PRMT8: variants seen among roughly 807,000 people sequenced by gnomAD.
The protein encoded by PRMT8 is protein arginine N-methyltransferase 8.
In PRMT8, 7 loss-of-function variants were observed where a neutral mutation model predicts 47.1. The observed-to-expected ratio is 0.15, with a 90% CI of 0.08 to 0.28. The LOEUF (loss-of-function observed/expected upper bound fraction) is 0.28. Among genes scored for constraint, PRMT8 ranks in the 10% least tolerant of loss-of-function variants. PRMT8 has a pLI of 1.00. For missense variants in PRMT8, 237 were observed against 505.4 expected, an observed-to-expected ratio of 0.47 and a Z score of 5.09; for synonymous variants, 188 against 186.5, an observed-to-expected ratio of 1.01 and a Z score of -0.07.
In PRMT8 at chr12:3,570,336, T is replaced by C. The variant is rs575626046; in HGVS notation, c.712+772T>C. Among the ~76,000 whole-genome samples, 25 of 152,344 alleles carry C rather than the reference T, an allele frequency of 1.6e-4. No individual in the cohort carries two copies. The South Asian group carries it at 5.2e-3, about 32-fold the overall frequency. On this transcript the variant is annotated intron_variant, in intron 6 of 9. Coordinates refer to ENST00000382622, the MANE Select transcript of PRMT8 (RefSeq NM_019854.5). This position sits in a 1 kb window ranked among gnomAD's most constrained non-coding sequence, Gnocchi z 5.5. ...ATCCTTAATGAGATTATACCAAACA[T>C]GTTTTTGTAAAGTTGAACATGGCTG...
chr12:3,389,246 G>A (rs1864169557), intron 1 of PRMT8, among the ~76,000 whole-genome samples: 1 of 152,152 alleles, frequency 6.6e-6, no homozygotes, highest in Non-Finnish European at 1.5e-5. Flanking sequence ...CTTTGTAGAT[G>A]AAGAAACTGA....
chr12:3,555,566 C>T (rs1866512092), intron 4 of PRMT8, among the ~76,000 whole-genome samples: 1 of 152,152 alleles, frequency 6.6e-6, no homozygotes, highest in East Asian at 1.9e-4. Flanking sequence ...ATTTTATTCT[C>T]CAGGTGCTGC....
rs540312406 is a variant in PRMT8, at chr12:3,590,011, A to G, written c.980-2220A>G. Among the ~76,000 whole-genome samples, 10 of 152,300 alleles carry G rather than the reference A, an allele frequency of 6.6e-5. No individual in the cohort carries two copies. The South Asian group carries it at 1.7e-3, about 25-fold the overall frequency. ...CATAACCAGGAACTATCTTTTGACT[A>G]TTTAGAGGTAGCTGGGAGAGATGGT... is the stretch of plus-strand genomic sequence containing the variant. On this transcript the variant is annotated intron_variant, in intron 8 of 9. Transcript: ENST00000382622.
chr12:3,413,882 G>T (rs573293081), intron 1 of PRMT8, among the ~76,000 whole-genome samples: 1 of 152,310 alleles, frequency 6.6e-6, no homozygotes, highest in East Asian at 1.9e-4. Context: ...GGGAAGATGT[G>T]TATAGGTTAT....
At position 3,492,741 on chromosome 12, in the gene PRMT8, G is replaced by A. The variant is rs1307313805; in HGVS notation, c.75+1041G>A. On this transcript the variant is annotated intron_variant, in intron 1 of 9. Coordinates refer to ENST00000382622, the MANE Select transcript of PRMT8 (RefSeq NM_019854.5). This position sits in a 1 kb window ranked among gnomAD's most constrained non-coding sequence, Gnocchi z 7.5. ...TGGGCAGCCCCCTTACCTTCCTGGAGAAACGGTGCGCCGAGATGGGGGCGG... is the reference window on the plus strand; with the variant it reads ...TGGGCAGCCCCCTTACCTTCCTGGAAAAACGGTGCGCCGAGATGGGGGCGG... Among the ~76,000 whole-genome samples, 1 of 152,158 alleles carries A rather than the reference G, an allele frequency of 6.6e-6. No homozygotes were observed. Among genetic ancestry groups the A allele is most frequent in the African/African-American group, 2.4e-5 (1 of 41,444 alleles).
At chr12:3,505,589 C>T (rs1347104696) in intron 1 of PRMT8, among the ~76,000 whole-genome samples, 2 of 152,200 alleles carry the variant, frequency 1.3e-5, no homozygotes, top group South Asian at 2.1e-4. Context: ...ATTTAATTTA[C>T]TCAACAACAT....
chr12:3,564,977 G>A lies in PRMT8; in HGVS notation c.482-3729G>A, dbSNP rs1190822694. ...CTGGAAGTTTAAGTGGTTGCTGGTG[G>A]TGACTACAGACTGCAGGAAGAATAT... On this transcript the variant is annotated intron_variant, in intron 4 of 9. Coordinates refer to ENST00000382622, the MANE Select transcript of PRMT8 (RefSeq NM_019854.5). This position sits in a 1 kb window ranked among gnomAD's most constrained non-coding sequence, Gnocchi z 4.0. 6.6e-6 allele frequency among the ~76,000 whole-genome samples: 1 copy of A among 152,246 alleles called. No homozygotes were observed.
At chr12:3,390,340 C>T (rs1350613864) in intron 1 of PRMT8, among the ~76,000 whole-genome samples, 1 of 152,204 alleles carries the variant, frequency 6.6e-6, no homozygotes, top group Non-Finnish European at 1.5e-5. Flanking sequence ...TTTTCTGTTC[C>T]TCCTGCTGAC....
intron 1 of PRMT8, among the ~76,000 whole-genome samples, chr12:3,498,846 G>A (rs1375120454): frequency 1.3e-5 from 2 of 152,178 alleles, no homozygotes; most frequent in Non-Finnish European, 1.5e-5. Flanking sequence ...TTAAAACAAC[G>A]AGATGTCTTC....
chr12:3,442,385 C>T (rs1252182766), intron 1 of PRMT8, among the ~76,000 whole-genome samples: 1 of 152,136 alleles, frequency 6.6e-6, no homozygotes, highest in Non-Finnish European at 1.5e-5. Context: ...CAGAGGCTGC[C>T]TCCCAGAACT....
intron 1 of PRMT8, among the ~76,000 whole-genome samples, chr12:3,414,008 C>T (rs1048821737): frequency 3.3e-5 from 5 of 152,038 alleles, no homozygotes; most frequent in East Asian, 1.9e-4. Flanking sequence ...ATTTATGTAT[C>T]GAAAGACCAA....
chr12:3,403,891 AAAAAAAAG>A (rs1424500946), intron 1 of PRMT8, among the ~76,000 whole-genome samples: 3 of 149,444 alleles, frequency 2.0e-5, no homozygotes, highest in Admixed American at 6.8e-5. Flanking sequence ...AAAAAAAAAA[AAAAAAAAG>A]AGAGAGAAAA....
chr12:3,550,304 C>T lies in PRMT8; in HGVS notation c.417+213C>T, dbSNP rs1329365624. On this transcript the variant is annotated intron_variant, in intron 3 of 9. Coordinates refer to ENST00000382622, the MANE Select transcript of PRMT8 (RefSeq NM_019854.5). This position sits in a 1 kb window ranked among gnomAD's most constrained non-coding sequence, Gnocchi z 5.1. ...GCTCCTGGATCCTTACAACCACTGA[C>T]ATTTGCGGAGGAACTGTGGCTTTCC... 5.5e-6 allele frequency: 3 copies of T among 546,484 alleles called. No homozygotes were observed. Among genetic ancestry groups the T allele is most frequent in the Admixed American group, 3.1e-5 (1 of 32,744 alleles). The allele number at this position is 546,484 out of a possible 1,614,324, so 33.9% of individuals were successfully genotyped here. A position where few individuals can be genotyped will look rare whatever the true frequency, so the allele number is the denominator to read the frequency against.
chr12:3,536,107 T>C (rs892481614), intron 1 of PRMT8, among the ~76,000 whole-genome samples: 3 of 152,200 alleles, frequency 2.0e-5, no homozygotes, highest in Admixed American at 1.3e-4. Flanking sequence ...AATACCCATA[T>C]GTCTCTTGTT....
chr12:3,468,493 C>T (rs1865126297), intron 1 of PRMT8, among the ~76,000 whole-genome samples: 1 of 152,214 alleles, frequency 6.6e-6, no homozygotes, highest in Non-Finnish European at 1.5e-5. Context: ...CACCAAGGTC[C>T]AGTACCCACG....
intron 1 of PRMT8, among the ~76,000 whole-genome samples, chr12:3,516,946 C>A: frequency 6.6e-6 from 1 of 152,146 alleles, no homozygotes; most frequent in South Asian, 2.1e-4. Context: ...ACTTTAAGAG[C>A]CCCTGAGCTA....
chr12:3,446,818 C>T lies in PRMT8; in HGVS notation c.48+65376C>T, dbSNP rs117128356. ...CTCCTCTTTTATTTGATGTACCACGCGGGGCCTCCCTTTGCCCCATGTGCT... is the reference window on the plus strand; with the variant it reads ...CTCCTCTTTTATTTGATGTACCACGTGGGGCCTCCCTTTGCCCCATGTGCT... On this transcript the variant is annotated intron_variant, in intron 1 of 9. Transcript: ENST00000452611. Among the ~76,000 whole-genome samples the T allele has an allele frequency of 5.2e-3, 794 of 152,330 alleles. 2 individuals are homozygous for T. Among genetic ancestry groups the T allele is most frequent in the Non-Finnish European group, 7.5e-3 (510 of 68,026 alleles).
chr12:3,536,628 G>A (rs1454862043), intron 1 of PRMT8, among the ~76,000 whole-genome samples: 2 of 152,198 alleles, frequency 1.3e-5, no homozygotes, highest in East Asian at 1.9e-4. Flanking sequence ...CAGCCCTAGA[G>A]GTGAGGTGAT....
chr12:3,575,894 C>T (rs574414480), intron 6 of PRMT8, among the ~76,000 whole-genome samples: 1 of 152,304 alleles, frequency 6.6e-6, no homozygotes, highest in East Asian at 1.9e-4. Flanking sequence ...TGGCGGGTGC[C>T]TGTAATCCCA....
Sources: allele counts gnomAD v4.1 joint callset (sites outside exome capture counted in the v4.1 genomes callset), GRCh38; gene constraint gnomAD v4.1.1; non-coding constraint Gnocchi (gnomAD v3.1); transcripts MANE v1.5; gene names NCBI Gene and HGNC (gene_info 2026-07-23, HGNC 2026-07-21).